The following SCAMP5 variants were observed in gnomAD, a reference collection of about 807,000 sequenced individuals.
SCAMP5 encodes secretory carrier membrane protein 5, also known as secretory carrier-associated membrane protein 5.
A neutral mutation model predicts 28.3 loss-of-function variants in SCAMP5; 7 were observed. The ratio of observed to expected loss-of-function variants is 0.25; its 90% CI spans 0.14 to 0.46. SCAMP5 has a LOEUF of 0.46. Among genes scored for constraint, SCAMP5 ranks in the 20% least tolerant of loss-of-function variants. The pLI is 0.99. For missense variants in SCAMP5, 192 were observed against 312.5 expected (o/e 0.61, Z 2.91); for synonymous variants, 117 against 116.4 (o/e 1.00, Z -0.03).
chr15:75,001,269 CAAAAAA>C (rs34325708), intron 1 of SCAMP5, among the ~76,000 whole-genome samples: 1 of 58,186 alleles, frequency 1.7e-5, no homozygotes, highest in Non-Finnish European at 3.3e-5. Context: ...AGCGAGACTC[CAAAAAA>C]AAAAAAAAAA....
intron 3 of SCAMP5, among the ~76,000 whole-genome samples, chr15:75,014,903 A>C (rs1320261870): frequency 2.0e-5 from 3 of 152,192 alleles, no homozygotes; most frequent in Non-Finnish European, 2.9e-5. Context: ...TTTTAACACC[A>C]AGCCTCCAGG....
intron 1 of SCAMP5, among the ~76,000 whole-genome samples, chr15:75,000,015 CAT>C (rs2065688911): frequency 6.6e-6 from 1 of 152,112 alleles, no homozygotes; most frequent in South Asian, 2.1e-4. Flanking sequence ...TCATTTTTGT[CAT>C]ATATGATTCT....
chr15:75,000,449 A>G (rs986108443), intron 1 of SCAMP5, among the ~76,000 whole-genome samples: 3 of 151,968 alleles, frequency 2.0e-5, no homozygotes, highest in Admixed American at 6.6e-5. Flanking sequence ...CAGTGGCACA[A>G]TCTCGGCTCA....
Position 75,000,935 on chromosome 15 carries a change from T to C in SCAMP5, c.-49+5262T>C, listed in dbSNP as rs2065700514. 2.6e-5 allele frequency among the ~76,000 whole-genome samples: 4 copies of C among 152,144 alleles called. No individual in the cohort carries two copies. The South Asian group carries it at 8.3e-4, about 32-fold the overall frequency. On this transcript the variant is annotated intron_variant, in intron 1 of 6. Transcript: ENST00000425597. ...TTTCACACCTGCTTTCCTGATTCTC[T>C]TTCCCTGGCCAACTCCCTATTCCTT...
At chr15:74,999,266 C>T (rs192757079) in intron 1 of SCAMP5, among the ~76,000 whole-genome samples, 3 of 152,176 alleles carry the variant, frequency 2.0e-5, no homozygotes, top group African/African-American at 7.2e-5. Flanking sequence ...TTGCCTCTTC[C>T]GTGTTCTTTC....
chr15:75,007,241 A>G lies in SCAMP5; in HGVS notation c.-48-4551A>G, dbSNP rs186347636. Among the ~76,000 whole-genome samples, 403 of 152,298 alleles carry G rather than the reference A, an allele frequency of 2.6e-3. 5 individuals carry two copies. Among genetic ancestry groups the G allele is most frequent in the Non-Finnish European group, 3.7e-3 (251 of 68,032 alleles). On this transcript the variant is annotated intron_variant, in intron 1 of 6. Coordinates refer to ENST00000425597, the MANE Select transcript of SCAMP5 (RefSeq NM_138967.4). Reference sequence around the variant, plus strand: ...CTTACCTTTCCGCGGTCTGAATTGTATCTCCTACAGTGAGAAACCACCTTC... The same window carrying G: ...CTTACCTTTCCGCGGTCTGAATTGTGTCTCCTACAGTGAGAAACCACCTTC...
At chr15:75,006,932 ACT>A (rs1202954197) in intron 1 of SCAMP5, among the ~76,000 whole-genome samples, 3 of 151,680 alleles carry the variant, frequency 2.0e-5, no homozygotes, top group African/African-American at 7.3e-5. Context: ...ACAGAGCGCG[ACT>A]CTGTCTCAAG....
chr15:75,018,103 G>T lies in SCAMP5; in HGVS notation c.395+132G>T. The T allele has an allele frequency of 1.5e-6, 1 of 655,720 alleles. No individual in the cohort carries two copies. Among genetic ancestry groups the T allele is most frequent in the Non-Finnish European group, 2.7e-6 (1 of 369,676 alleles). The allele number at this position is 655,720 out of a possible 1,614,324, so 40.6% of individuals were successfully genotyped here. On this transcript the variant is annotated intron_variant, in intron 5 of 6. Transcript: ENST00000425597. The surrounding 1 kb of genome is among the most constrained non-coding windows in gnomAD (Gnocchi z 5.6). ...GGTTGTTGGGAGAGTGAGAGGATTC[G>T]GGATAGTGTAGTAGTACAACCATAG...
intron 1 of SCAMP5, among the ~76,000 whole-genome samples, chr15:75,003,562 C>T (rs2065728933): frequency 6.6e-6 from 1 of 152,154 alleles, no homozygotes; most frequent in African/African-American, 2.4e-5. Context: ...GTAATCTCAG[C>T]ACGTTGGGAA....
intron 1 of SCAMP5, among the ~76,000 whole-genome samples, chr15:75,004,681 G>T (rs1567020549): frequency 1.3e-5 from 2 of 151,782 alleles, no homozygotes; most frequent in African/African-American, 4.8e-5. Flanking sequence ...AGTGAGCTGT[G>T]ATTGTGCTGC....
Position 75,001,869 on chromosome 15 carries a change from C to CAAAAAAAAA in SCAMP5, c.-49+6217_-49+6225dup, listed in dbSNP as rs769760180. ...TGGGCAACAGGGCAAGACTCGGTCT[C>CAAAAAAAAA]AAAAAAAAAAAAAAAAAAAAAAAAA... On this transcript the variant is annotated intron_variant, in intron 1 of 6. Transcript: ENST00000425597. Among the ~76,000 whole-genome samples, 24 of 40,460 alleles carry CAAAAAAAAA rather than the reference C, an allele frequency of 5.9e-4. 1 individual carries two copies. Among genetic ancestry groups the CAAAAAAAAA allele is most frequent in the African/African-American group, 2.3e-3 (23 of 9,972 alleles). 26.5% of individuals were successfully genotyped at this position (40,460 alleles called of 152,430 possible).
chr15:75,006,663 A>C (rs1241558100), intron 1 of SCAMP5, among the ~76,000 whole-genome samples: 1 of 151,336 alleles, frequency 6.6e-6, no homozygotes, highest in Non-Finnish European at 1.5e-5. Context: ...GGTGGCGGGC[A>C]CCTGTAGTCC....
intron 1 of SCAMP5, among the ~76,000 whole-genome samples, chr15:75,006,874 G>A (rs1164045552): frequency 3.9e-5 from 6 of 151,968 alleles, no homozygotes; most frequent in African/African-American, 1.2e-4. Flanking sequence ...CCCAGGAGGC[G>A]GAGGTTGCAG....
At chr15:75,000,682 C>CA (rs1567017077) in intron 1 of SCAMP5, among the ~76,000 whole-genome samples, 55 of 88,404 alleles carry the variant, frequency 6.2e-4, no homozygotes, top group Non-Finnish European at 1.2e-3. Context: ...TCGCACCCAG[C>CA]CTTTTTTTTT....
At chr15:75,003,143 G>A (rs1436591269) in intron 1 of SCAMP5, among the ~76,000 whole-genome samples, 1 of 152,132 alleles carries the variant, frequency 6.6e-6, no homozygotes, top group Non-Finnish European at 1.5e-5. Context: ...GGCTGGTCTC[G>A]AACTCCTGAC....
At chr15:75,003,092 G>A (rs552824789) in intron 1 of SCAMP5, among the ~76,000 whole-genome samples, 7 of 152,082 alleles carry the variant, frequency 4.6e-5, no homozygotes, top group African/African-American at 1.2e-4. Flanking sequence ...CGTCACACCC[G>A]GCTTATTTTT....
intron 1 of SCAMP5, among the ~76,000 whole-genome samples, chr15:75,005,355 C>CTGGG (rs1381838518): frequency 1.9e-4 from 28 of 150,668 alleles, no homozygotes; most frequent in Non-Finnish European, 3.6e-4. Context: ...CCAGCTACTC[C>CTGGG]AGGCTGAGGC....
Position 75,018,947 on chromosome 15 carries a change from C to T in SCAMP5, c.672C>T (p.Ser224=), listed in dbSNP as rs373392458. The change falls in exon 7 of 7, where the codon TCC becomes TCT. Residue 224 remains serine, a synonymous_variant. Transcript: ENST00000425597. The surrounding 1 kb of genome is among the most constrained non-coding windows in gnomAD (Gnocchi z 5.6). The part of the protein sequence containing the change: ...GAMNQPQTQY[S]ATPNYTYSNE... ...TGAATCAGCCTCAGACTCAGTATTC[C>T]GCCACCCCCAATTACACGTACTCCA... 20 of 1,541,836 alleles carry T rather than the reference C, an allele frequency of 1.3e-5. No homozygotes were observed. The highest frequency in any genetic ancestry group is 3.8e-5 in the South Asian group (3 of 78,512).
chr15:75,006,951 AAG>A (rs1178915142), intron 1 of SCAMP5, among the ~76,000 whole-genome samples: 1 of 152,144 alleles, frequency 6.6e-6, no homozygotes, highest in Non-Finnish European at 1.5e-5. Context: ...CAAGAAAAAA[AAG>A]AGAGAAAAAA....
Sources: allele counts gnomAD v4.1 joint callset (sites outside exome capture counted in the v4.1 genomes callset), GRCh38; gene constraint gnomAD v4.1.1; non-coding constraint Gnocchi (gnomAD v3.1); transcripts MANE v1.5; gene names NCBI Gene and HGNC (gene_info 2026-07-23, HGNC 2026-07-21).